CPLANE1: variants seen among roughly 807,000 people sequenced by gnomAD.
The protein encoded by CPLANE1 is ciliogenesis and planar polarity effector complex subunit 1.
In CPLANE1, 263 loss-of-function variants were observed where a neutral mutation model predicts 362.5. That is an observed-to-expected ratio of 0.73 (90% CI 0.66 to 0.80). The LOEUF is 0.80. CPLANE1 is among the 30% of genes least tolerant of loss of function. The pLI is 0.00. For missense variants in CPLANE1, 3,461 were observed against 3,793.4 expected (o/e 0.91, Z 2.30); for synonymous variants, 1,212 against 1,302.6 (o/e 0.93, Z 1.50).
chr5:37,179,381 A>G lies in CPLANE1; in HGVS notation c.5800T>C (p.Leu1934=). The G allele has an allele frequency of 6.2e-7, 1 of 1,611,534 alleles. No individual in the cohort carries two copies. The highest frequency in any genetic ancestry group is 8.5e-7 in the Non-Finnish European group (1 of 1,177,978). The change falls in exon 29 of 53, where the codon TTA becomes CTA. Residue 1934 remains leucine, a synonymous_variant. Transcript: ENST00000651892. ...SPSLAICMMT[L]PQQLEEEFTE... ...CTTACTTCTTCTAACTGCTGTGGTA[A>G]AGTCATCATGCAAATGGCAAGACTG...
intron 20 of CPLANE1, among the ~76,000 whole-genome samples, chr5:37,198,065 T>C (rs528445811): frequency 2.6e-5 from 4 of 152,368 alleles, no homozygotes; most frequent in South Asian, 2.1e-4. Context: ...TTAAAAATAT[T>C]TGGAGATGAT....
intron 24 of CPLANE1, 85 bp downstream of exon 24, chr5:37,186,201 A>T: frequency 1.3e-6 from 1 of 745,900 alleles, no homozygotes; most frequent in Middle Eastern, 2.4e-4. Flanking sequence ...TAGACACATA[A>T]GCAACAGTAA....
At chr5:37,079,195 T>TAA in the CPLANE1 span, among the ~76,000 whole-genome samples, 5 of 152,214 alleles carry the variant, frequency 3.3e-5, no homozygotes. Flanking sequence ...GTTTTACATT[T>TAA]AAGTCTTTAA....
intron 10 of CPLANE1, 23 bp downstream of exon 10, chr5:37,227,545 A>G: frequency 6.6e-7 from 1 of 1,513,696 alleles, no homozygotes. Context: ...AACTTTCCCC[A>G]ATGATATAAA....
At chr5:37,141,134 C>T in intron 44 of CPLANE1, 1 of 985,242 alleles carries the variant, frequency 1.0e-6, no homozygotes, top group African/African-American at 1.7e-5. Context: ...CTAGCCAGGC[C>T]CTCATTATTT....
rs188962429 is a variant in CPLANE1 at position 37,238,115 on chromosome 5, G to A, written c.938+742C>T. On this transcript the variant is annotated intron_variant, in intron 8 of 52. Coordinates refer to ENST00000651892, the MANE Select transcript of CPLANE1 (RefSeq NM_001384732.1). ...GAATGACTGAGCCCGAGAGTTCAAC[G>A]CTGCAGTGAGCTATGATCACACCAC... 3.4e-3 allele frequency among the ~76,000 whole-genome samples: 521 copies of A among 152,192 alleles called. 2 individuals are homozygous for A. Among genetic ancestry groups the A allele is most frequent in the African/African-American group, 0.012 (499 of 41,536 alleles).
intron 8 of CPLANE1, among the ~76,000 whole-genome samples, chr5:37,235,190 T>G (rs1178230462): frequency 1.3e-5 from 2 of 152,128 alleles, no homozygotes; most frequent in Non-Finnish European, 2.9e-5. Context: ...CCAATAACTA[T>G]GTAGCCAAGG....
intron 16 of CPLANE1, chr5:37,211,063 A>G: frequency 1.2e-6 from 1 of 856,226 alleles, no homozygotes; most frequent in South Asian, 1.3e-5. Context: ...TCTGTGATCC[A>G]TCATTCTGCC....
intron 9 of CPLANE1, among the ~76,000 whole-genome samples, chr5:37,230,291 T>C (rs1443564975): frequency 6.6e-6 from 1 of 151,660 alleles, no homozygotes; most frequent in Non-Finnish European, 1.5e-5. Flanking sequence ...ATGTGAATCT[T>C]GATCTGACTC....
Position 37,224,655 on chromosome 5 carries a change from G to C in CPLANE1, c.2377C>G (p.Gln793Glu). ...LNRRVPEADSQLTEKMTHEAS... is the reference protein window; with the variant it reads ...LNRRVPEADSELTEKMTHEAS... ...TCATGTGTCATCTTTTCAGTTAACTGACTATCAGCTTCAGGAACTCTTCGA... is the reference window on the plus strand; with the variant it reads ...TCATGTGTCATCTTTTCAGTTAACTCACTATCAGCTTCAGGAACTCTTCGA... The change falls in exon 13 of 53, where the codon CAG becomes GAG. Residue 793 changes from glutamine (Q) to glutamate (E), a missense_variant. Physicochemically the swap from Gln to Glu is conservative, Grantham distance 29. This residue lies in a region of CPLANE1 where 3,380 missense variants were observed against 3,666.1 expected (regional missense o/e 0.92). Coordinates refer to ENST00000651892, the MANE Select transcript of CPLANE1 (RefSeq NM_001384732.1). The C allele has an allele frequency of 6.4e-7, 1 of 1,551,358 alleles. No homozygotes were observed.
At chr5:37,162,207 T>A (rs1283646433) in intron 38 of CPLANE1, among the ~76,000 whole-genome samples, 1 of 152,148 alleles carries the variant, frequency 6.6e-6, no homozygotes, top group Non-Finnish European at 1.5e-5. Flanking sequence ...ACATAGAGAA[T>A]CCAAATTCAA....
chr5:37,139,245 T>C (rs1000680514), intron 45 of CPLANE1, 95 bp downstream of exon 45: 10 of 1,224,576 alleles, frequency 8.2e-6, no homozygotes, highest in Non-Finnish European at 1.1e-5. Context: ...CACAAAGATA[T>C]ATATAATGTA....
intron 22 of CPLANE1, 67 bp from the exon 23 acceptor site, chr5:37,187,639 A>G: frequency 5.1e-6 from 8 of 1,561,948 alleles, no homozygotes; most frequent in Non-Finnish European, 5.2e-6. Flanking sequence ...TGAGTTCAAA[A>G]GAAAGTTTTG....
In CPLANE1 at chr5:37,209,731, T is replaced by C. The variant is rs1792046079; in HGVS notation, c.2921-3306A>G. On this transcript the variant is annotated intron_variant, in intron 16 of 52. Coordinates refer to ENST00000651892, the MANE Select transcript of CPLANE1 (RefSeq NM_001384732.1). The surrounding 1 kb of genome is among the most constrained non-coding windows in gnomAD (Gnocchi z 4.6). ...ATTAAAATCAACCCTACTTCCAGTC[T>C]GTACAAATCACTGGTTTCAGGAGCT... 9 of 1,214,620 alleles carry C rather than the reference T, an allele frequency of 7.4e-6. No individual in the cohort carries two copies. Among genetic ancestry groups the C allele is most frequent in the South Asian group, 2.4e-5 (2 of 82,876 alleles). 75.2% of individuals were successfully genotyped at this position (1,214,620 alleles called of 1,614,324 possible). A position where few individuals can be genotyped will look rare whatever the true frequency, so the allele number is the denominator to read the frequency against.
the CPLANE1 span, among the ~76,000 whole-genome samples, chr5:37,087,267 T>C: frequency 6.6e-6 from 1 of 152,084 alleles, no homozygotes; most frequent in Non-Finnish European, 1.5e-5. Context: ...CTATGGGCTC[T>C]AGTAAGGACA....
intron 8 of CPLANE1, among the ~76,000 whole-genome samples, chr5:37,237,265 C>T (rs1799211044): frequency 6.6e-6 from 1 of 152,030 alleles, no homozygotes; most frequent in Non-Finnish European, 1.5e-5. Context: ...TGCTACTCTG[C>T]CATAAAACAA....
At chr5:37,155,420 G>A (rs1774794968) in intron 41 of CPLANE1, among the ~76,000 whole-genome samples, 1 of 152,110 alleles carries the variant, frequency 6.6e-6, no homozygotes, top group South Asian at 2.1e-4. Flanking sequence ...TAGCACCCAG[G>A]CTGGAGTGCA....
chr5:37,182,006 C>A, intron 26 of CPLANE1, among the ~76,000 whole-genome samples: 1 of 151,898 alleles, frequency 6.6e-6, no homozygotes, highest in Non-Finnish European at 1.5e-5. Context: ...GCAGGAGAAT[C>A]GCTTGAATCC....
At position 37,180,009 on chromosome 5, in the gene CPLANE1, G is replaced by A. The variant is rs772854101; in HGVS notation, c.5737+8C>T. ...AGCCAAAAAAATAGATTATCTAAATGAACTGACCTTCATAGTCTGATATGT... is the reference window on the plus strand; with the variant it reads ...AGCCAAAAAAATAGATTATCTAAATAAACTGACCTTCATAGTCTGATATGT... On this transcript the variant is annotated splice_region_variant and intron_variant, in intron 28 of 52. Transcript: ENST00000651892. 2 of 1,520,118 alleles carry A rather than the reference G, an allele frequency of 1.3e-6. No individual in the cohort carries two copies. The highest frequency in any genetic ancestry group is 2.9e-5 in the African/African-American group (2 of 69,798). 94.2% of individuals were successfully genotyped at this position (1,520,118 alleles called of 1,614,324 possible).
Sources: allele counts gnomAD v4.1 joint callset (sites outside exome capture counted in the v4.1 genomes callset), GRCh38; gene constraint gnomAD v4.1.1; regional missense constraint gnomAD v4.1.1; non-coding constraint Gnocchi (gnomAD v3.1); transcripts MANE v1.5; gene names NCBI Gene and HGNC (gene_info 2026-07-23, HGNC 2026-07-21).